The following TARS1 variants were observed in gnomAD, a reference collection of about 807,000 sequenced individuals.
TARS1 encodes threonyl-tRNA synthetase 1.
TARS1 carries 57 observed loss-of-function variants against 97.7 expected under a neutral mutation model. The observed-to-expected ratio is 0.58, with a 90% CI of 0.47 to 0.73. The LOEUF is 0.73. TARS1 is among the 30% of genes least tolerant of loss of function. The probability of loss-of-function intolerance (pLI) is 0.00; values close to 1 mark genes in which losing one functional copy is unlikely to be tolerated. For missense variants in TARS1, 806 were observed against 888.3 expected, an observed-to-expected ratio of 0.91 and a Z score of 1.18; for synonymous variants, 312 against 293.7, an observed-to-expected ratio of 1.06 and a Z score of -0.64.
intron 3 of TARS1, among the ~76,000 whole-genome samples, chr5:33,449,435 T>C (rs967001862): frequency 4.8e-5 from 7 of 147,210 alleles, no homozygotes; most frequent in African/African-American, 1.0e-4. Flanking sequence ...AAATGATTCT[T>C]TTTTTCTTTC....
In TARS1 at chr5:33,454,943, A is replaced by G. The variant is rs866371292; in HGVS notation, c.454-2A>G. On this transcript the variant is annotated splice_acceptor_variant, in intron 4 of 18. Transcript: ENST00000265112. LOFTEE classifies it high-confidence loss of function. ...CCATGCCATTTTTCTTTAAATTTTC[A>G]GGTGTATTGGCACTCTAGTGCTCAC... The G allele has an allele frequency of 6.2e-7, 1 of 1,611,976 alleles. No individual in the cohort carries two copies. The highest frequency in any genetic ancestry group is 8.5e-7 in the Non-Finnish European group (1 of 1,179,164).
At chr5:33,448,785 C>T (rs1741557959) in intron 3 of TARS1, 54 bp downstream of exon 3, 4 of 1,270,582 alleles carry the variant, frequency 3.1e-6, no homozygotes, top group Non-Finnish European at 4.3e-6. Context: ...ACTAAACTTC[C>T]TTTTATTATC....
chr5:33,461,857 C>T (rs1742308317), intron 14 of TARS1, 49 bp from the exon 15 acceptor site: 1 of 1,593,778 alleles, frequency 6.3e-7, no homozygotes, highest in Admixed American at 1.7e-5. Context: ...TATTGAGCTC[C>T]ACTTTAGTAT....
At chr5:33,463,426 C>G (rs1048379784) in intron 16 of TARS1, among the ~76,000 whole-genome samples, 1 of 152,168 alleles carries the variant, frequency 6.6e-6, no homozygotes, top group Admixed American at 6.5e-5. Flanking sequence ...TCATTTGTTA[C>G]CTCCTCTCAC....
chr5:33,465,685 C>T (rs2111604930), intron 17 of TARS1, among the ~76,000 whole-genome samples: 1 of 152,310 alleles, frequency 6.6e-6, no homozygotes, highest in Admixed American at 6.5e-5. Context: ...AATGCTAAGA[C>T]TTGTGCACAG....
intron 11 of TARS1, among the ~76,000 whole-genome samples, chr5:33,460,419 G>A (rs1340738186): frequency 1.3e-5 from 2 of 152,206 alleles, no homozygotes; most frequent in Non-Finnish European, 1.5e-5. Context: ...GTCAAAACCT[G>A]CTAATGACTC....
chr5:33,443,214 AT>A (rs1741203771), intron 1 of TARS1, among the ~76,000 whole-genome samples: 1 of 151,960 alleles, frequency 6.6e-6, no homozygotes, highest in Non-Finnish European at 1.5e-5. Context: ...CTATTACTTA[AT>A]GATACAAATG....
At chr5:33,440,901 T>C, upstream of TARS1, 2 of 630,636 alleles carry the variant, frequency 3.2e-6, no homozygotes, top group Non-Finnish European at 2.8e-6. Flanking sequence ...AGGGCCCGCC[T>C]TCCCCCGTTA....
intron 5 of TARS1, 54 bp downstream of exon 5, chr5:33,455,120 G>A: frequency 6.2e-7 from 1 of 1,602,104 alleles, no homozygotes; most frequent in Non-Finnish European, 8.5e-7. Context: ...GGATCCATAA[G>A]TTATTCTTAA....
chr5:33,461,738 C>G lies in TARS1; in HGVS notation c.1623C>G (p.Gly541=). The change falls in exon 14 of 19, where the codon GGC becomes GGG. Residue 541 remains glycine, a synonymous_variant. Transcript: ENST00000265112. Reference sequence around the variant, plus strand: ...ACTCTGGAGATGGAGCTTTCTATGGCCCAAAGGTGAGCACTAAAGTACATT... The same window carrying G: ...ACTCTGGAGATGGAGCTTTCTATGGGCCAAAGGTGAGCACTAAAGTACATT... The part of the protein sequence containing the change: ...ELNSGDGAFY[G]PKIDIQIKDA... 5 of 1,613,290 alleles carry G rather than the reference C, an allele frequency of 3.1e-6. No individual in the cohort carries two copies. Among genetic ancestry groups the G allele is most frequent in the Non-Finnish European group, 3.4e-6 (4 of 1,179,394 alleles).
chr5:33,441,312 C>T, intron 1 of TARS1, 169 bp downstream of exon 1: 1 of 688,988 alleles, frequency 1.5e-6, no homozygotes, highest in Non-Finnish European at 2.5e-6. Context: ...CTTTGGGAAC[C>T]ATCCATTCAT....
chr5:33,441,874 G>C (rs1741119737), intron 1 of TARS1: 1 of 152,284 alleles, frequency 6.6e-6, no homozygotes. Context: ...GGTAGGGAAG[G>C]CAGTGAAAAG....
intron 5 of TARS1, 117 bp downstream of exon 5, chr5:33,455,183 A>ATGCC: frequency 2.3e-6 from 3 of 1,309,718 alleles, no homozygotes; most frequent in Non-Finnish European, 3.1e-6. Flanking sequence ...TTCATCAGGT[A>ATGCC]TGCCCATTAT....
At chr5:33,452,239 G>A in intron 3 of TARS1, 1 of 869,424 alleles carries the variant, frequency 1.2e-6, no homozygotes, top group East Asian at 2.7e-5. Flanking sequence ...AGTGTAGAAT[G>A]TTGCCTACCT....
intron 11 of TARS1, 112 bp downstream of exon 11, chr5:33,459,973 A>G (rs531508933): frequency 8.3e-7 from 1 of 1,199,582 alleles, no homozygotes; most frequent in African/African-American, 1.5e-5. Context: ...TGATCAGAAG[A>G]GCATTTAAAC....
At chr5:33,467,161 A>G (rs578159787) in intron 18 of TARS1, among the ~76,000 whole-genome samples, 176 bp downstream of exon 18, 2 of 119,552 alleles carry the variant, frequency 1.7e-5, no homozygotes, top group African/African-American at 3.4e-5. Context: ...TCATGCATAC[A>G]TACTGGGTTT....
In TARS1 at chr5:33,463,839, A is replaced by T. The variant is rs749395371; in HGVS notation, c.1908+14A>T. On this transcript the variant is annotated intron_variant, in intron 17 of 18. Transcript: ENST00000265112. ...TATGCCCAAAAGGTAAGCCTTAGAT[A>T]TGAATTTTCTTTCAATTTAACATCT... 2.5e-6 allele frequency: 4 copies of T among 1,602,768 alleles called. No homozygotes were observed. Among genetic ancestry groups the T allele is most frequent in the Non-Finnish European group, 3.4e-6 (4 of 1,172,274 alleles).
intron 17 of TARS1, among the ~76,000 whole-genome samples, chr5:33,465,516 T>A (rs892276867): frequency 6.6e-6 from 1 of 152,178 alleles, no homozygotes; most frequent in Non-Finnish European, 1.5e-5. Context: ...TTGAGAAAAA[T>A]GAAGAAACTG....
At chr5:33,440,885 G>C, upstream of TARS1, 1 of 609,332 alleles carries the variant, frequency 1.6e-6, no homozygotes, top group Non-Finnish European at 2.9e-6. Context: ...CTGGCTTAGA[G>C]GAGGGAGGGC....
Sources: gnomAD v4.1 joint callset for allele counts (sites outside exome capture counted in the v4.1 genomes callset) on GRCh38, gnomAD v4.1.1 for gene constraint, MANE v1.5 for transcripts, NCBI Gene and HGNC (gene_info 2026-07-23, HGNC 2026-07-21) for gene names.